The following ERAP1 variants were observed in gnomAD, a reference collection of about 807,000 sequenced individuals.
The protein encoded by ERAP1 is endoplasmic reticulum aminopeptidase 1.
Under a neutral mutation model 103.7 loss-of-function variants are expected in ERAP1, and 86 were observed. That is an observed-to-expected ratio of 0.83 (90% CI 0.70 to 0.99). The LOEUF (loss-of-function observed/expected upper bound fraction) is 0.99. ERAP1 is among the 50% of genes least tolerant of loss of function. The probability of loss-of-function intolerance (pLI) is 0.00; values close to 1 mark genes in which losing one functional copy is unlikely to be tolerated. For synonymous variants in ERAP1, 398 were observed against 402.4 expected, an observed-to-expected ratio of 0.99 and a Z score of 0.13; for missense variants, 1,009 against 1,128.4, an observed-to-expected ratio of 0.89 and a Z score of 1.52.
chr5:96,851,915 A>T, the ERAP1 span, among the ~76,000 whole-genome samples: 1 of 152,192 alleles, frequency 6.6e-6, no homozygotes, highest in Non-Finnish European at 1.5e-5. Context: ...AAACAGGCAG[A>T]GTAAAGGACA....
chr5:96,880,342 G>A, the ERAP1 span: 4 of 1,260,998 alleles, frequency 3.2e-6, no homozygotes, highest in Non-Finnish European at 4.4e-6. Context: ...GCAGACTTCA[G>A]CAGCCATTTA....
rs111531845 is a variant in ERAP1, at chr5:96,763,892, A to T, written c.2819-664T>A. Among the ~76,000 whole-genome samples the T allele has an allele frequency of 4.7e-3, 714 of 151,988 alleles. 5 individuals are homozygous for T. Among genetic ancestry groups the T allele is most frequent in the African/African-American group, 0.016 (677 of 41,446 alleles). On this transcript the variant is annotated intron_variant, in intron 19 of 19. Transcript: ENST00000296754. Reference sequence around the variant, plus strand: ...AGGGAAAAGCTTTATCAGTCCCAAGACCTGGGTTCTATTCACTTTTTAACA... The same window carrying T: ...AGGGAAAAGCTTTATCAGTCCCAAGTCCTGGGTTCTATTCACTTTTTAACA...
At chr5:96,857,515 A>G in the ERAP1 span, among the ~76,000 whole-genome samples, 1 of 152,300 alleles carries the variant, frequency 6.6e-6, no homozygotes, top group African/African-American at 2.4e-5. Flanking sequence ...AAAAGCTAAA[A>G]ATAAAAAACT....
At chr5:96,881,144 T>G in the ERAP1 span, 2 of 310,492 alleles carry the variant, frequency 6.4e-6, no homozygotes, top group South Asian at 2.6e-5. Flanking sequence ...TTGTAAGGAG[T>G]TTTGACTTTA....
chr5:96,768,608 A>AT (rs1305827812), intron 19 of ERAP1, among the ~76,000 whole-genome samples: 3 of 152,072 alleles, frequency 2.0e-5, no homozygotes, highest in Non-Finnish European at 4.4e-5. Context: ...CATAGCCACC[A>AT]TTTTTTATCT....
the ERAP1 span, among the ~76,000 whole-genome samples, chr5:96,927,672 G>A: frequency 6.6e-6 from 1 of 152,088 alleles, no homozygotes; most frequent in Non-Finnish European, 1.5e-5. Context: ...ATTTTTAGTG[G>A]AGACGGGGTT....
chr5:96,845,005 G>A, the ERAP1 span, among the ~76,000 whole-genome samples: 23 of 152,224 alleles, frequency 1.5e-4, no homozygotes, highest in Admixed American at 1.4e-3. Flanking sequence ...GGTTACTAAA[G>A]CATTGTGTTT....
At chr5:96,782,245 G>A (rs556536842) in intron 15 of ERAP1, among the ~76,000 whole-genome samples, 14 of 152,034 alleles carry the variant, frequency 9.2e-5, no homozygotes, top group Middle Eastern at 3.4e-3. Flanking sequence ...CCCTGACCTC[G>A]TGATCCACCC....
At chr5:96,843,220 GGT>G in the ERAP1 span, among the ~76,000 whole-genome samples, 1 of 152,140 alleles carries the variant, frequency 6.6e-6, no homozygotes, top group African/African-American at 2.4e-5. Context: ...AATTTTCTGG[GGT>G]TTAAATACCT....
the ERAP1 span, among the ~76,000 whole-genome samples, chr5:96,817,711 T>G: frequency 6.6e-6 from 1 of 152,220 alleles, no homozygotes; most frequent in Non-Finnish European, 1.5e-5. Context: ...TCTGCTAAAT[T>G]GGGCAGCCTC....
chr5:96,871,836 A>G, the ERAP1 span, among the ~76,000 whole-genome samples: 1 of 152,186 alleles, frequency 6.6e-6, no homozygotes, highest in Admixed American at 6.5e-5. Flanking sequence ...TTGAAAAACC[A>G]TCTTCCTGTC....
At chr5:96,861,316 A>C in the ERAP1 span, among the ~76,000 whole-genome samples, 1 of 152,184 alleles carries the variant, frequency 6.6e-6, no homozygotes, top group African/African-American at 2.4e-5. Context: ...ATACTTCACT[A>C]AGGCAGCCTT....
intron 14 of ERAP1, 62 bp downstream of exon 14, chr5:96,783,862 C>G (rs1312890161): frequency 1.6e-6 from 2 of 1,234,406 alleles, no homozygotes; most frequent in Non-Finnish European, 2.2e-6. Context: ...CACATACACA[C>G]ACAATGATTA....
chr5:96,829,128 C>G, the ERAP1 span, among the ~76,000 whole-genome samples: 18 of 152,296 alleles, frequency 1.2e-4, no homozygotes, highest in South Asian at 4.1e-4. Context: ...TTATAGGCGT[C>G]AGCCATCACG....
chr5:96,912,064 C>A, the ERAP1 span, among the ~76,000 whole-genome samples: 1 of 150,382 alleles, frequency 6.6e-6, no homozygotes, highest in Non-Finnish European at 1.5e-5. Flanking sequence ...GTGGCGGGCG[C>A]CTGTAGTCCC....
chr5:96,843,309 G>C, the ERAP1 span, among the ~76,000 whole-genome samples: 5 of 152,076 alleles, frequency 3.3e-5, no homozygotes, highest in African/African-American at 1.2e-4. Context: ...ATTGGTTGCA[G>C]AAAGCAACCA....
At chr5:96,930,970 A>G in the ERAP1 span, among the ~76,000 whole-genome samples, 5 of 152,144 alleles carry the variant, frequency 3.3e-5, no homozygotes, top group Non-Finnish European at 5.9e-5. Context: ...GGGGTAGGAT[A>G]TGCAGGCTGG....
Position 96,785,667 on chromosome 5 carries a change from A to AG in ERAP1, c.1943+120_1943+121insC. 3 of 1,030,466 alleles carry AG rather than the reference A, an allele frequency of 2.9e-6. No individual in the cohort carries two copies. In the South Asian group the frequency reaches 4.2e-5, roughly 14 times the overall value. The allele number at this position is 1,030,466 out of a possible 1,614,324, so 63.8% of individuals were successfully genotyped here. ...CAATCTTGGGTTGTTAGAAGAACTT[A>AG]AAGGAAAACACCTTTCAACTTCTTG... On this transcript the variant is annotated intron_variant, in intron 13 of 18. Transcript: ENST00000443439.
chr5:96,835,424 A>T, the ERAP1 span, among the ~76,000 whole-genome samples: 1 of 152,200 alleles, frequency 6.6e-6, no homozygotes, highest in Non-Finnish European at 1.5e-5. Flanking sequence ...AGAAGCTCAG[A>T]TGCTGGTCTC....
Sources: gnomAD v4.1 joint callset for allele counts (sites outside exome capture counted in the v4.1 genomes callset) on GRCh38, gnomAD v4.1.1 for gene constraint, MANE v1.5 for transcripts, NCBI Gene and HGNC (gene_info 2026-07-23, HGNC 2026-07-21) for gene names.